The following SDC2 variants were observed in gnomAD, a reference collection of about 807,000 sequenced individuals.
The protein encoded by SDC2 is syndecan-2.
Under a neutral mutation model 22.2 loss-of-function variants are expected in SDC2, and 13 were observed. The observed-to-expected ratio is 0.59, with a 90% CI of 0.38 to 0.93. The LOEUF (loss-of-function observed/expected upper bound fraction) is 0.93. SDC2 is among the 40% of genes least tolerant of loss of function. The probability of loss-of-function intolerance (pLI) is 0.00; values close to 1 mark genes in which losing one functional copy is unlikely to be tolerated. For missense variants in SDC2, 235 were observed against 246.8 expected (o/e 0.95, Z 0.32); for synonymous variants, 94 against 92.8 (o/e 1.01, Z -0.07).
chr8:96,540,355 T>TATATATATATATATATAA (rs1273342675), intron 1 of SDC2, among the ~76,000 whole-genome samples: 4 of 147,154 alleles, frequency 2.7e-5, no homozygotes, highest in Non-Finnish European at 3.0e-5. Flanking sequence ...TATATATATA[T>TATATATATATATATATAA]AAAAATTAGT....
At chr8:96,564,306 A>G (rs1386753330) in intron 1 of SDC2, among the ~76,000 whole-genome samples, 1 of 152,236 alleles carries the variant, frequency 6.6e-6, no homozygotes, top group African/African-American at 2.4e-5. Flanking sequence ...TCATCTGTCC[A>G]GGCCTATAGC....
At chr8:96,528,117 G>C (rs777132022) in intron 1 of SDC2, among the ~76,000 whole-genome samples, 1 of 152,128 alleles carries the variant, frequency 6.6e-6, no homozygotes, top group Non-Finnish European at 1.5e-5. Flanking sequence ...GATGAAGGGG[G>C]TTGTGAAATT....
intron 1 of SDC2, among the ~76,000 whole-genome samples, chr8:96,513,918 G>T (rs1029039073): frequency 3.3e-5 from 5 of 152,208 alleles, no homozygotes; most frequent in African/African-American, 7.2e-5. Context: ...CCATCAACTG[G>T]CTGGGGAGAG....
At chr8:96,567,847 C>T (rs950558983) in intron 1 of SDC2, among the ~76,000 whole-genome samples, 3 of 152,206 alleles carry the variant, frequency 2.0e-5, no homozygotes, top group Non-Finnish European at 4.4e-5. Flanking sequence ...CCGTTGAGCA[C>T]AGTGCCAGGC....
At chr8:96,593,698 G>A in intron 2 of SDC2, 107 bp downstream of exon 2, 1 of 694,746 alleles carries the variant, frequency 1.4e-6, no homozygotes, top group Non-Finnish European at 2.5e-6. Flanking sequence ...AGTGGTTAAG[G>A]GCACCGTCTT....
chr8:96,546,358 T>C (rs770170395), intron 1 of SDC2, among the ~76,000 whole-genome samples: 53 of 152,208 alleles, frequency 3.5e-4, no homozygotes, highest in Non-Finnish European at 6.2e-4. Context: ...TACTTGGATT[T>C]AGGATAAGAT....
At chr8:96,562,086 AT>A (rs1034510737) in intron 1 of SDC2, among the ~76,000 whole-genome samples, 13 of 151,984 alleles carry the variant, frequency 8.6e-5, no homozygotes, top group Admixed American at 3.9e-4. Flanking sequence ...GGTCATTTTG[AT>A]TTCCCCCCCA....
chr8:96,603,521 T>G (rs974810182), intron 3 of SDC2, among the ~76,000 whole-genome samples: 1 of 152,226 alleles, frequency 6.6e-6, no homozygotes, highest in African/African-American at 2.4e-5. Flanking sequence ...AATGAGATGC[T>G]GCCAAGCTTT....
chr8:96,599,306 A>G (rs1814936771), intron 2 of SDC2, among the ~76,000 whole-genome samples: 1 of 152,046 alleles, frequency 6.6e-6, no homozygotes, highest in Non-Finnish European at 1.5e-5. Context: ...CTTCCCTCAT[A>G]CAGATTCATC....
Position 96,493,925 on chromosome 8 carries a change from T to C in SDC2, c.-347T>C. The stretch of plus-strand genomic sequence containing the variant: ...GAATTTATTCCTTAAAACCAGAAAC[T>C]GAACCTCGGCACGGGAAAGGAGTCC... On this transcript the variant is annotated 5_prime_UTR_variant, in exon 1 of 5. Transcript: ENST00000302190. 1 of 315,496 alleles carries C rather than the reference T, an allele frequency of 3.2e-6. No homozygotes were observed. The highest frequency in any genetic ancestry group is 5.8e-6 in the Non-Finnish European group (1 of 172,692). The allele number at this position is 315,496 out of a possible 1,614,324, so 19.5% of individuals were successfully genotyped here.
intron 1 of SDC2, among the ~76,000 whole-genome samples, chr8:96,532,998 G>A (rs1221276194): frequency 1.3e-5 from 2 of 152,268 alleles, no homozygotes; most frequent in African/African-American, 4.8e-5. Flanking sequence ...AGACCCTTGC[G>A]GTGAATGTTG....
At chr8:96,536,793 G>A (rs1026787565) in intron 1 of SDC2, among the ~76,000 whole-genome samples, 1 of 152,160 alleles carries the variant, frequency 6.6e-6, no homozygotes, top group Non-Finnish European at 1.5e-5. Context: ...GGGAATTCTG[G>A]CCTCTAGGAG....
At chr8:96,548,875 C>G (rs1200272402) in intron 1 of SDC2, among the ~76,000 whole-genome samples, 1 of 152,184 alleles carries the variant, frequency 6.6e-6, no homozygotes, top group African/African-American at 2.4e-5. Context: ...GTAAGTAGGC[C>G]TATGGCAGTG....
chr8:96,532,422 T>TG (rs769694554), intron 1 of SDC2, among the ~76,000 whole-genome samples: 24 of 143,250 alleles, frequency 1.7e-4, no homozygotes, highest in Non-Finnish European at 3.4e-4. Context: ...GTTTTTTTTT[T>TG]TTTTTTTTTT....
chr8:96,505,748 G>A lies in SDC2; in HGVS notation c.60+11417G>A, dbSNP rs141929778. Reference sequence around the variant, plus strand: ...TTTGATTAGGTATTGTGATTATGCTGATTAGTTATTGAATTAAGTTTTGTA... The same window carrying A: ...TTTGATTAGGTATTGTGATTATGCTAATTAGTTATTGAATTAAGTTTTGTA... On this transcript the variant is annotated intron_variant, in intron 1 of 4. Transcript: ENST00000302190. Among the ~76,000 whole-genome samples, 512 of 152,312 alleles carry A rather than the reference G, an allele frequency of 3.4e-3. 1 individual carries two copies. The highest frequency in any genetic ancestry group is 0.012 in the African/African-American group (494 of 41,554).
intron 1 of SDC2, among the ~76,000 whole-genome samples, chr8:96,579,319 T>A (rs1041111098): frequency 3.3e-5 from 5 of 152,268 alleles, no homozygotes; most frequent in Non-Finnish European, 7.3e-5. Context: ...GGGTTTTTAA[T>A]ATAAGTTTTA....
chr8:96,500,013 C>T (rs893570251), intron 1 of SDC2, among the ~76,000 whole-genome samples: 2 of 152,176 alleles, frequency 1.3e-5, no homozygotes, highest in South Asian at 2.1e-4. Context: ...AGAAGTTTCA[C>T]GCTGGCCACT....
At chr8:96,540,216 G>A (rs2130509544) in intron 1 of SDC2, among the ~76,000 whole-genome samples, 1 of 151,502 alleles carries the variant, frequency 6.6e-6, no homozygotes, top group East Asian at 1.9e-4. Flanking sequence ...TATCAGAATT[G>A]CACAGGAGGC....
At chr8:96,556,173 C>T (rs1011192538) in intron 1 of SDC2, among the ~76,000 whole-genome samples, 1 of 152,022 alleles carries the variant, frequency 6.6e-6, no homozygotes, top group African/African-American at 2.4e-5. Flanking sequence ...TCATATTTCC[C>T]ACCCTTATAT....
Sources: allele counts gnomAD v4.1 joint callset (sites outside exome capture counted in the v4.1 genomes callset), GRCh38; gene constraint gnomAD v4.1.1; transcripts MANE v1.5; gene names NCBI Gene and HGNC (gene_info 2026-07-23, HGNC 2026-07-21).